Variants in ADAMTSL1 observed in about 807,000 individuals in gnomAD.
The protein encoded by ADAMTSL1 is ADAMTS like 1, also known as ADAMTS-like protein 1.
In ADAMTSL1, 126 loss-of-function variants were observed where a neutral mutation model predicts 201.8. That is an observed-to-expected ratio of 0.62 (90% CI 0.54 to 0.72). The LOEUF (loss-of-function observed/expected upper bound fraction) is 0.72. Among genes scored for constraint, ADAMTSL1 ranks in the 30% least tolerant of loss-of-function variants. The pLI, the probability that ADAMTSL1 is intolerant of heterozygous loss-of-function variation, is 0.00. For missense variants in ADAMTSL1, 2,679 were observed against 2,277.8 expected (o/e 1.18, Z -3.59); for synonymous variants, 1,121 against 903.4 (o/e 1.24, Z -4.32).
upstream of ADAMTSL1, among the ~76,000 whole-genome samples, chr9:18,473,129 A>C (rs1821284701): frequency 6.6e-6 from 1 of 152,220 alleles, no homozygotes; most frequent in African/African-American, 2.4e-5. Context: ...AGTGGATGGA[A>C]AAATGAGGTA....
At chr9:18,139,078 G>A (rs1826283727) in intron 1 of ADAMTSL1, among the ~76,000 whole-genome samples, 1 of 152,118 alleles carries the variant, frequency 6.6e-6, no homozygotes, top group South Asian at 2.1e-4. Flanking sequence ...AGAATGAGAT[G>A]CTCTCTTAAG....
At chr9:18,141,708 T>A (rs1009456234) in intron 1 of ADAMTSL1, among the ~76,000 whole-genome samples, 1 of 152,144 alleles carries the variant, frequency 6.6e-6, no homozygotes, top group Admixed American at 6.5e-5. Flanking sequence ...GGATTAATGG[T>A]ATATTCCTCA....
Position 18,681,929 on chromosome 9 carries a change from A to G in ADAMTSL1, c.1459A>G (p.Ile487Val). The G allele has an allele frequency of 6.2e-7, 1 of 1,614,204 alleles. No individual in the cohort carries two copies. Among genetic ancestry groups the G allele is most frequent in the African/African-American group, 1.3e-5 (1 of 75,052 alleles). The change falls in exon 12 of 29, where the codon ATC becomes GTC. Residue 487 changes from isoleucine to valine, a missense_variant. Physicochemically the swap from Ile to Val is conservative, Grantham distance 29. Transcript: ENST00000380548. The stretch of plus-strand genomic sequence containing the variant: ...AAAGCCCCACATAAAAGAGGAATGC[A>G]TCGTACCCACTCCCTGCTATAAACC... ...KTKPHIKEEC[I>V]VPTPCYKPKE...
intron 2 of ADAMTSL1, among the ~76,000 whole-genome samples, chr9:18,304,615 A>T (rs1221795514): frequency 2.0e-5 from 3 of 151,818 alleles, no homozygotes. Context: ...GGTATTGCTG[A>T]TCTAGACAAG....
chr9:18,907,188 C>A, intron 28 of ADAMTSL1: 2 of 461,142 alleles, frequency 4.3e-6, no homozygotes, highest in Non-Finnish European at 7.8e-6. Context: ...AAATCAGCCT[C>A]CAGTTCCCCT....
intron 1 of ADAMTSL1, among the ~76,000 whole-genome samples, chr9:18,503,209 C>G (rs1416173897): frequency 1.3e-5 from 2 of 151,868 alleles, no homozygotes; most frequent in Non-Finnish European, 2.9e-5. Flanking sequence ...CCCCATTCCC[C>G]TCTCTCCCAG....
At chr9:17,935,485 G>A (rs569659993) in intron 1 of ADAMTSL1, among the ~76,000 whole-genome samples, 3 of 152,204 alleles carry the variant, frequency 2.0e-5, no homozygotes, top group South Asian at 4.2e-4. Context: ...ATTTCTACAT[G>A]AATATTTAAC....
intron 1 of ADAMTSL1, among the ~76,000 whole-genome samples, chr9:18,013,568 A>C (rs1195821143): frequency 1.3e-5 from 2 of 152,084 alleles, no homozygotes; most frequent in African/African-American, 4.8e-5. Flanking sequence ...CACGGATTCT[A>C]AAACCTTAAC....
At chr9:18,763,126 A>T (rs778193490) in intron 16 of ADAMTSL1, among the ~76,000 whole-genome samples, 3 of 152,204 alleles carry the variant, frequency 2.0e-5, no homozygotes, top group Non-Finnish European at 2.9e-5. Context: ...TCCCACCCAC[A>T]GTGTATAAGG....
intron 1 of ADAMTSL1, among the ~76,000 whole-genome samples, chr9:17,995,183 C>T (rs527369761): frequency 1.3e-5 from 2 of 152,212 alleles, no homozygotes; most frequent in Non-Finnish European, 2.9e-5. Context: ...CTCTTCTTAA[C>T]TAGGCTACAG....
intron 2 of ADAMTSL1, among the ~76,000 whole-genome samples, chr9:18,399,294 T>TA (rs1817877035): frequency 1.0e-5 from 1 of 96,690 alleles, no homozygotes; most frequent in African/African-American, 4.4e-5. Flanking sequence ...TATATATATA[T>TA]ATATATATAT....
intron 4 of ADAMTSL1, among the ~76,000 whole-genome samples, chr9:18,587,004 A>G (rs1823540838): frequency 6.6e-6 from 1 of 152,190 alleles, no homozygotes; most frequent in Non-Finnish European, 1.5e-5. Flanking sequence ...ACTGTGGAAG[A>G]CAACGTAGGC....
chr9:18,882,991 C>CAAAAA (rs34408343), intron 23 of ADAMTSL1, among the ~76,000 whole-genome samples: 1 of 113,744 alleles, frequency 8.8e-6, no homozygotes, highest in Admixed American at 9.2e-5. Context: ...GAGCCTGCCT[C>CAAAAA]AAAAAAAAAA....
chr9:18,126,971 G>T (rs1055091876), intron 1 of ADAMTSL1, among the ~76,000 whole-genome samples: 6 of 152,112 alleles, frequency 3.9e-5, no homozygotes, highest in African/African-American at 1.4e-4. Context: ...TGCCAGCCTG[G>T]GTGGGGAAGG....
intron 1 of ADAMTSL1, among the ~76,000 whole-genome samples, chr9:17,979,342 G>C (rs1818590244): frequency 6.6e-6 from 1 of 151,848 alleles, no homozygotes; most frequent in Non-Finnish European, 1.5e-5. Context: ...AAATTCCACA[G>C]GCTTTTACAA....
chr9:18,574,575 C>A, intron 4 of ADAMTSL1: 1 of 498,266 alleles, frequency 2.0e-6, no homozygotes, highest in Admixed American at 3.8e-5. Context: ...ATTGGCTATT[C>A]CTGAAGTGTG....
intron 20 of ADAMTSL1, among the ~76,000 whole-genome samples, chr9:18,807,937 A>G (rs1005998309): frequency 6.6e-6 from 1 of 152,214 alleles, no homozygotes; most frequent in African/African-American, 2.4e-5. Context: ...GTCCACAAAC[A>G]TAGGTACTGG....
intron 16 of ADAMTSL1, among the ~76,000 whole-genome samples, chr9:18,765,485 AGT>A (rs1820305564): frequency 8.3e-6 from 1 of 120,376 alleles, no homozygotes; most frequent in East Asian, 2.7e-4. Flanking sequence ...CATTTTCAAC[AGT>A]GTAAATATTT....
intron 14 of ADAMTSL1, among the ~76,000 whole-genome samples, chr9:18,707,778 T>C (rs1394577137): frequency 6.6e-6 from 1 of 152,252 alleles, no homozygotes; most frequent in African/African-American, 2.4e-5. Context: ...ACGTTAAATG[T>C]TTCCACATAT....
Sources: allele counts gnomAD v4.1 joint callset (sites outside exome capture counted in the v4.1 genomes callset), GRCh38; gene constraint gnomAD v4.1.1; transcripts MANE v1.5; gene names NCBI Gene and HGNC (gene_info 2026-07-23, HGNC 2026-07-21).